Variants in EXOC6 observed in about 807,000 individuals in gnomAD.
EXOC6 encodes exocyst complex component 6.
In EXOC6, 60 loss-of-function variants were observed where a neutral mutation model predicts 112.5. The observed-to-expected ratio is 0.53, with a 90% CI of 0.43 to 0.66. EXOC6 has a LOEUF of 0.66. Among genes scored for constraint, EXOC6 ranks in the 30% least tolerant of loss-of-function variants. The pLI, the probability that EXOC6 is intolerant of heterozygous loss-of-function variation, is 0.00. For missense variants in EXOC6, 855 were observed against 957.1 expected, an observed-to-expected ratio of 0.89 and a Z score of 1.41; for synonymous variants, 295 against 308.0, an observed-to-expected ratio of 0.96 and a Z score of 0.44.
intron 1 of EXOC6, among the ~76,000 whole-genome samples, chr10:92,892,226 A>G (rs544237531): frequency 6.6e-6 from 1 of 151,858 alleles, no homozygotes; most frequent in Non-Finnish European, 1.5e-5. Flanking sequence ...ACAACAACAA[A>G]AACTTTCAAA....
chr10:92,958,884 A>G (rs1304309782), intron 17 of EXOC6, among the ~76,000 whole-genome samples: 2 of 152,166 alleles, frequency 1.3e-5, no homozygotes, highest in Non-Finnish European at 1.5e-5. Context: ...TCATGAGGTC[A>G]GGAGATCAAG....
intron 4 of EXOC6, among the ~76,000 whole-genome samples, chr10:92,895,554 A>C (rs535270638): frequency 1.3e-5 from 2 of 152,104 alleles, no homozygotes; most frequent in Non-Finnish European, 2.9e-5. Context: ...TCTCTTTGTT[A>C]GGGCTAAATA....
intron 18 of EXOC6, among the ~76,000 whole-genome samples, chr10:92,975,592 G>C (rs1408722733): frequency 2.7e-5 from 4 of 146,066 alleles, no homozygotes; most frequent in Admixed American, 6.7e-5. Flanking sequence ...TGCCCGGCCA[G>C]CCGCCCCGTC....
At chr10:93,057,303 G>A (rs375124092) in intron 21 of EXOC6, among the ~76,000 whole-genome samples, 26 of 151,852 alleles carry the variant, frequency 1.7e-4, no homozygotes, top group African/African-American at 3.4e-4. Flanking sequence ...TTAGAAATAT[G>A]TTTACTGGGG....
At chr10:92,891,927 CAT>C (rs1231415157) in intron 1 of EXOC6, among the ~76,000 whole-genome samples, 1 of 152,142 alleles carries the variant, frequency 6.6e-6, no homozygotes, top group Non-Finnish European at 1.5e-5. Context: ...AAATACAAAA[CAT>C]GTAAATTACA....
chr10:92,850,411 T>C (rs1247187553), intron 1 of EXOC6, among the ~76,000 whole-genome samples: 1 of 152,246 alleles, frequency 6.6e-6, no homozygotes, highest in Admixed American at 6.5e-5. Flanking sequence ...TATATATGTA[T>C]ATTTGTGTCT....
At chr10:92,959,300 T>G (rs932433200) in intron 17 of EXOC6, among the ~76,000 whole-genome samples, 2 of 152,174 alleles carry the variant, frequency 1.3e-5, no homozygotes, top group Non-Finnish European at 2.9e-5. Flanking sequence ...GACATCCACA[T>G]GTAAAAAAAT....
chr10:93,006,837 T>C (rs1683560892), intron 19 of EXOC6, among the ~76,000 whole-genome samples: 1 of 152,242 alleles, frequency 6.6e-6, no homozygotes, highest in Non-Finnish European at 1.5e-5. Context: ...GCCATTTATT[T>C]AGTTACAGAA....
At chr10:92,876,368 C>T (rs115059166) in intron 1 of EXOC6, among the ~76,000 whole-genome samples, 1 of 152,022 alleles carries the variant, frequency 6.6e-6, no homozygotes, top group African/African-American at 2.4e-5. Flanking sequence ...AAAGAAGGTA[C>T]CATTGTTATA....
Position 92,848,564 on chromosome 10 carries a change from G to A in EXOC6, c.31G>A (p.Val11Ile). ...GGAGAACAGCGAGAGTCTGGGCACC[G>A]TCCCCGAGCACGAGCGGATCTTGCA... MAENSESLGTVPEHERILQEI... is the reference protein window; with the variant it reads MAENSESLGTIPEHERILQEI... The change falls in exon 1 of 22, where the codon GTC (valine) becomes ATC (isoleucine). Residue 11 changes from valine to isoleucine, a missense_variant. By Grantham distance (29) the Val-to-Ile change is conservative. Around this residue, in one of 2 missense-constraint regions of EXOC6, gnomAD observed 405 missense variants for 393.6 expected, o/e 1.03. Coordinates refer to ENST00000260762, the MANE Select transcript of EXOC6 (RefSeq NM_019053.6). The A allele has an allele frequency of 4.9e-6, 7 of 1,435,100 alleles. No homozygotes were observed. The highest frequency in any genetic ancestry group is 1.2e-5 in the South Asian group (1 of 81,410). The allele number at this position is 1,435,100 out of a possible 1,614,324, so 88.9% of individuals were successfully genotyped here. A position where few individuals can be genotyped will look rare whatever the true frequency, so the allele number is the denominator to read the frequency against.
intron 1 of EXOC6, among the ~76,000 whole-genome samples, chr10:92,882,998 C>T (rs1849040164): frequency 2.0e-5 from 3 of 152,190 alleles, no homozygotes; most frequent in Admixed American, 1.3e-4. Context: ...CTGCTGATAA[C>T]TTTATCTGGG....
At chr10:93,049,149 C>G (rs528604966) in intron 20 of EXOC6, among the ~76,000 whole-genome samples, 16 of 152,012 alleles carry the variant, frequency 1.1e-4, no homozygotes, top group Non-Finnish European at 2.2e-4. Flanking sequence ...GCTCCGCCTC[C>G]TAGGTTCATG....
In EXOC6 at chr10:92,925,190, C is replaced by A. The variant is rs1226040127; in HGVS notation, c.889-3149C>A. On this transcript the variant is annotated intron_variant, in intron 8 of 21. Coordinates refer to ENST00000260762, the MANE Select transcript of EXOC6 (RefSeq NM_019053.6). ...ATTATTGTAAATTAAGTAATGAAAA[C>A]AGAATAAGTAATGAGAAACTGATTT... Among the ~76,000 whole-genome samples the A allele has an allele frequency of 2.0e-5, 3 of 152,080 alleles. No individual in the cohort carries two copies. The East Asian group carries it at 5.8e-4, about 29-fold the overall frequency.
chr10:92,879,155 C>T, intron 1 of EXOC6, among the ~76,000 whole-genome samples: 1 of 152,090 alleles, frequency 6.6e-6, no homozygotes, highest in Middle Eastern at 3.2e-3. Flanking sequence ...CTATAAAATG[C>T]TAATGTTATT....
intron 18 of EXOC6, among the ~76,000 whole-genome samples, chr10:92,989,966 A>C (rs1055114050): frequency 2.6e-5 from 4 of 152,194 alleles, no homozygotes; most frequent in African/African-American, 9.7e-5. Context: ...TTTTTATATT[A>C]TATCCATTGT....
At chr10:93,017,783 G>A (rs1441959077) in intron 20 of EXOC6, among the ~76,000 whole-genome samples, 2 of 151,676 alleles carry the variant, frequency 1.3e-5, no homozygotes, top group South Asian at 2.1e-4. Context: ...AGGCTGAGGT[G>A]GGCGGATCAT....
At chr10:92,876,650 T>C (rs1463235304) in intron 1 of EXOC6, among the ~76,000 whole-genome samples, 2 of 152,214 alleles carry the variant, frequency 1.3e-5, no homozygotes, top group African/African-American at 2.4e-5. Flanking sequence ...ATGTCCAACC[T>C]GTGCTAGGGC....
Position 92,967,759 on chromosome 10 carries a change from A to G in EXOC6, c.1774-6294A>G, listed in dbSNP as rs940015174. 3.9e-5 allele frequency among the ~76,000 whole-genome samples: 6 copies of G among 152,124 alleles called. No homozygotes were observed. In the South Asian group the frequency reaches 1.2e-3, roughly 31 times the overall value. On this transcript the variant is annotated intron_variant, in intron 17 of 21. Transcript: ENST00000260762. ...AAAGATAGGAGCAATCAGACTCTCA[A>G]TTTTCTTTGCCTGGCGATAGAAGGG...
chr10:92,893,369 C>A lies in EXOC6; in HGVS notation c.122C>A (p.Pro41Gln), dbSNP rs763016416. 3.7e-6 allele frequency: 6 copies of A among 1,610,706 alleles called. No individual in the cohort carries two copies. In the East Asian group the frequency reaches 1.3e-4, roughly 36 times the overall value. ...PTLRSVYDDQ[P>Q]NAHKKFMEKL... ...TTCAGGTCTGTGTATGATGACCAAC[C>A]AAATGCGCACAAGAAGTTTATGGAA... The change falls in exon 2 of 22, where the codon CCA (proline) becomes CAA (glutamine). Residue 41 changes from proline to glutamine, a missense_variant. Physicochemically the swap from Pro to Gln is moderately conservative, Grantham distance 76 (BLOSUM62 -1). This residue lies in a region of EXOC6 where 405 missense variants were observed against 393.6 expected (regional missense o/e 1.03). Coordinates refer to ENST00000260762, the MANE Select transcript of EXOC6 (RefSeq NM_019053.6).
Sources: gnomAD v4.1 joint callset for allele counts (sites outside exome capture counted in the v4.1 genomes callset) on GRCh38, gnomAD v4.1.1 for gene constraint, gnomAD v4.1.1 regional missense constraint, MANE v1.5 for transcripts, NCBI Gene and HGNC (gene_info 2026-07-23, HGNC 2026-07-21) for gene names.